Variants in MAP3K4 observed in about 807,000 individuals in gnomAD.
The protein encoded by MAP3K4 is MAP three kinase 1.
A neutral mutation model predicts 185.6 loss-of-function variants in MAP3K4; 67 were observed. That is an observed-to-expected ratio of 0.36 (90% confidence interval 0.30 to 0.44). The LOEUF is 0.44. MAP3K4 is among the 20% of genes least tolerant of loss of function. The pLI is 1.00. For synonymous variants in MAP3K4, 702 were observed against 710.4 expected (o/e 0.99, Z 0.19); for missense variants, 1,551 against 1,995.1 (o/e 0.78, Z 4.24).
intron 2 of MAP3K4, among the ~76,000 whole-genome samples, chr6:161,046,973 A>G (rs1783755485): frequency 6.8e-6 from 1 of 147,600 alleles, no homozygotes; most frequent in Non-Finnish European, 1.5e-5. Flanking sequence ...TTCTTAGTAT[A>G]TAAGAAATAT....
intron 6 of MAP3K4, among the ~76,000 whole-genome samples, chr6:161,083,164 C>G (rs1785537954): frequency 6.6e-6 from 1 of 152,100 alleles, no homozygotes; most frequent in South Asian, 2.1e-4. Context: ...GACTTGTTTC[C>G]CCACTTCCTT....
chr6:161,067,198 G>C lies in MAP3K4; in HGVS notation c.1708-3410G>C, dbSNP rs1269410130. ...GCACAGCTTGGTTTTATACATTTTA[G>C]GGAGACATGAGACATCAATCAATAT... On this transcript the variant is annotated intron_variant, in intron 3 of 26. Transcript: ENST00000392142. The surrounding 1 kb of genome is among the most constrained non-coding windows in gnomAD (Gnocchi z 6.3). The C allele has an allele frequency of 2.7e-6, 1 of 370,734 alleles. No individual in the cohort carries two copies. The highest frequency in any genetic ancestry group is 2.1e-5 in the South Asian group (1 of 47,768). The allele number at this position is 370,734 out of a possible 1,614,324, so 23.0% of individuals were successfully genotyped here.
chr6:161,086,349 G>T lies in MAP3K4; in HGVS notation c.2373-30G>T, dbSNP rs753623186. ...GCACCTCTGGAATATTCCCTAATGT[G>T]TTCTAACTGGACTTGAATCCACTTG... On this transcript the variant is annotated intron_variant, in intron 7 of 26. Transcript: ENST00000392142. This position sits in a 1 kb window ranked among gnomAD's most constrained non-coding sequence, Gnocchi z 4.8. The T allele has an allele frequency of 2.9e-6, 4 of 1,356,776 alleles. No homozygotes were observed. In the Admixed American group the frequency reaches 5.4e-5, roughly 18 times the overall value. The allele number at this position is 1,356,776 out of a possible 1,614,324, so 84.0% of individuals were successfully genotyped here. A position where few individuals can be genotyped will look rare whatever the true frequency, so the allele number is the denominator to read the frequency against.
intron 3 of MAP3K4, among the ~76,000 whole-genome samples, chr6:161,052,258 G>A (rs565965993): frequency 6.8e-6 from 1 of 146,106 alleles, no homozygotes; most frequent in African/African-American, 2.5e-5. Flanking sequence ...ATATGTTATA[G>A]CAAGAAAAGA....
At position 161,084,582 on chromosome 6, in the gene MAP3K4, T is replaced by C. The variant is rs765703682; in HGVS notation, c.2337T>C (p.Thr779=). ...AGGAGAGCTGTGCTGAATTTTGGAC[T>C]AGTGCGGATGACAGCAGTGCTTCCG... is the stretch of plus-strand genomic sequence containing the variant. ...GLQESCAEFW[T]SADDSSASDE... is the part of the protein sequence containing the mutation. The change falls in exon 7 of 27, where the codon ACT becomes ACC. Residue 779 remains threonine (T), a synonymous_variant. Coordinates refer to ENST00000392142, the MANE Select transcript of MAP3K4 (RefSeq NM_005922.4). The surrounding 1 kb of genome is among the most constrained non-coding windows in gnomAD (Gnocchi z 4.6). 6.2e-5 allele frequency: 100 copies of C among 1,612,008 alleles called. No homozygotes were observed. Among genetic ancestry groups the C allele is most frequent in the Non-Finnish European group, 8.4e-5 (99 of 1,178,150 alleles).
chr6:161,081,227 G>C (rs1785439897), intron 6 of MAP3K4, among the ~76,000 whole-genome samples, 189 bp downstream of exon 6: 1 of 151,174 alleles, frequency 6.6e-6, no homozygotes, highest in South Asian at 2.1e-4. Context: ...TTTCCCCTTG[G>C]GGACATTGGG....
Position 161,114,283 on chromosome 6 carries a change from GAC to G in MAP3K4, c.4627-837_4627-836del, listed in dbSNP as rs1484012791. On this transcript the variant is annotated intron_variant, in intron 25 of 26. Transcript: ENST00000392142. The surrounding 1 kb of genome is among the most constrained non-coding windows in gnomAD (Gnocchi z 4.3). ...ATGAGCAGTTATACAAATGTAAAAA[GAC>G]ACGCATGAACTGCACATGGTAGCTT... 6.6e-6 allele frequency among the ~76,000 whole-genome samples: 1 copy of G among 152,146 alleles called. No individual in the cohort carries two copies. Among genetic ancestry groups the G allele is most frequent in the African/African-American group, 2.4e-5 (1 of 41,424 alleles).
intron 1 of MAP3K4, among the ~76,000 whole-genome samples, chr6:161,005,912 C>T (rs1326665588): frequency 2.0e-5 from 3 of 152,098 alleles, no homozygotes; most frequent in African/African-American, 4.8e-5. Context: ...CTCAGCCTCC[C>T]GAGTAGCTGG....
intron 1 of MAP3K4, among the ~76,000 whole-genome samples, chr6:160,994,661 G>T (rs4709484): frequency 0.42 from 63,756 of 151,988 alleles, 13,847 homozygotes; most frequent in Admixed American, 0.55. Context: ...TCAGTAGTGG[G>T]ATTGCTGGAT....
In MAP3K4 at chr6:161,034,634, A is replaced by G. The variant is rs190394166; in HGVS notation, c.343+185A>G. 8.0e-4 allele frequency among the ~76,000 whole-genome samples: 122 copies of G among 152,252 alleles called. No individual in the cohort carries two copies. Among genetic ancestry groups the G allele is most frequent in the African/African-American group, 2.7e-3 (113 of 41,562 alleles). Reference sequence around the variant, plus strand: ...TTGACACATAGTTTTCCAGAGATAGAAACGTTTGTCCTGAGTAATGGTTAA... The same window carrying G: ...TTGACACATAGTTTTCCAGAGATAGGAACGTTTGTCCTGAGTAATGGTTAA... On this transcript the variant is annotated intron_variant, in intron 2 of 26. Coordinates refer to ENST00000392142, the MANE Select transcript of MAP3K4 (RefSeq NM_005922.4). The surrounding 1 kb of genome is among the most constrained non-coding windows in gnomAD (Gnocchi z 4.4).
At chr6:161,029,191 T>G (rs916503031) in intron 1 of MAP3K4, among the ~76,000 whole-genome samples, 1 of 151,962 alleles carries the variant, frequency 6.6e-6, no homozygotes, top group Admixed American at 6.6e-5. Context: ...GTGGTTAAAA[T>G]ATCCATTTAT....
chr6:161,020,893 G>C lies in MAP3K4; in HGVS notation c.153-13366G>C, dbSNP rs188766943. ...TGGTATTTATATTGGGAATACACAG[G>C]GCCTTTAAGCCCCACATTTCCAGTA... On this transcript the variant is annotated intron_variant, in intron 1 of 26. Coordinates refer to ENST00000392142, the MANE Select transcript of MAP3K4 (RefSeq NM_005922.4). 7.6e-3 allele frequency among the ~76,000 whole-genome samples: 1,159 copies of C among 152,054 alleles called. 14 individuals carry two copies. Among genetic ancestry groups the C allele is most frequent in the African/African-American group, 0.027 (1,114 of 41,452 alleles).
chr6:161,115,090 T>C lies in MAP3K4; in HGVS notation c.4627-33T>C. 1 of 1,577,308 alleles carries C rather than the reference T, an allele frequency of 6.3e-7. No homozygotes were observed. Among genetic ancestry groups the C allele is most frequent in the Non-Finnish European group, 8.7e-7 (1 of 1,153,348 alleles). On this transcript the variant is annotated intron_variant, in intron 25 of 26. Coordinates refer to ENST00000392142, the MANE Select transcript of MAP3K4 (RefSeq NM_005922.4). The surrounding 1 kb of genome is among the most constrained non-coding windows in gnomAD (Gnocchi z 6.0). ...TGCGTTGTTTGTGGCTGTGTAATAT[T>C]AAAATCTGATTTTTTAAAAACATCT... is the stretch of plus-strand genomic sequence containing the variant.
chr6:161,048,820 A>C lies in MAP3K4; in HGVS notation c.548A>C (p.Asp183Ala). The C allele has an allele frequency of 1.2e-6, 2 of 1,614,166 alleles. No individual in the cohort carries two copies. Among genetic ancestry groups the C allele is most frequent in the Non-Finnish European group, 1.7e-6 (2 of 1,180,030 alleles). ...SLPKKSIPDV[D>A]LNKPYLSLGC... ...CCAAAAAAATCAATTCCAGATGTGG[A>C]TCTCAATAAGCCTTACCTCAGCCTT... is the stretch of plus-strand genomic sequence containing the variant. Residue 183 changes from aspartate to alanine, a missense_variant, in exon 3 of 27, where the codon GAT becomes GCT. Transcript: ENST00000392142. The surrounding 1 kb of genome is among the most constrained non-coding windows in gnomAD (Gnocchi z 4.7).
chr6:161,032,522 C>G (rs540460465), intron 1 of MAP3K4, among the ~76,000 whole-genome samples: 22 of 152,254 alleles, frequency 1.4e-4, no homozygotes, highest in African/African-American at 5.1e-4. Flanking sequence ...CAAGGTCCAC[C>G]CAGCTAATAG....
intron 1 of MAP3K4, among the ~76,000 whole-genome samples, chr6:161,020,310 T>C (rs904262554): frequency 6.6e-6 from 1 of 152,154 alleles, no homozygotes; most frequent in African/African-American, 2.4e-5. Flanking sequence ...AGTCTCGCTC[T>C]GTCACCCAGG....
chr6:161,069,866 C>A (rs922137542), intron 3 of MAP3K4, among the ~76,000 whole-genome samples: 14 of 151,968 alleles, frequency 9.2e-5, no homozygotes, highest in African/African-American at 3.1e-4. Context: ...GAAGCAGGGG[C>A]CTTGGGGAGC....
At chr6:161,033,465 A>G (rs1783021462) in intron 1 of MAP3K4, among the ~76,000 whole-genome samples, 1 of 152,226 alleles carries the variant, frequency 6.6e-6, no homozygotes, top group Admixed American at 6.5e-5. Flanking sequence ...GTGTTTTTAG[A>G]GAACAAATTA....
rs755893743 is a variant in MAP3K4, at chr6:161,070,593, G to A, written c.1708-15G>A. 2 of 1,611,218 alleles carry A rather than the reference G, an allele frequency of 1.2e-6. No individual in the cohort carries two copies. The highest frequency in any genetic ancestry group is 1.7e-6 in the Non-Finnish European group (2 of 1,179,020). On this transcript the variant is annotated splice_polypyrimidine_tract_variant and intron_variant, in intron 3 of 26. Transcript: ENST00000392142. This position sits in a 1 kb window ranked among gnomAD's most constrained non-coding sequence, Gnocchi z 4.5. ...TATGCTCTTTTAATCTGTGCCTGTT[G>A]AATTTTTGTTATAGTTTTCTGAATT...
Sources: gnomAD v4.1 joint callset for allele counts (sites outside exome capture counted in the v4.1 genomes callset) on GRCh38, gnomAD v4.1.1 for gene constraint, Gnocchi (gnomAD v3.1) non-coding constraint, MANE v1.5 for transcripts, NCBI Gene and HGNC (gene_info 2026-07-23, HGNC 2026-07-21) for gene names.